Variants in APC observed in about 807,000 individuals in gnomAD.
APC encodes the protein adenomatous polyposis coli protein.
A neutral mutation model predicts 247.0 loss-of-function variants in APC; 72 were observed. The observed-to-expected ratio is 0.29, with a 90% confidence interval of 0.24 to 0.35. The LOEUF is 0.35. Ranked by LOEUF, APC falls within the 10% of genes least tolerant of loss-of-function variation. The pLI, the probability that APC is intolerant of heterozygous loss-of-function variation, is 1.00. For synonymous variants in APC, 1,254 were observed against 1,162.5 expected (o/e 1.08, Z -1.60); for missense variants, 3,400 against 3,360.7 (o/e 1.01, Z -0.29).
In APC at chr5:112,710,392, A is replaced by G. The variant is rs140617534; in HGVS notation, c.165+2510A>G. On this transcript the variant is annotated intron_variant, in intron 1 of 13. Transcript: ENST00000507379. Reference sequence around the variant, plus strand: ...ACTTCACTTTTTTCATCTCAGTGTCATCTCTTTATATATATATATCTCAGA... The same window carrying G: ...ACTTCACTTTTTTCATCTCAGTGTCGTCTCTTTATATATATATATCTCAGA... Among the ~76,000 whole-genome samples, 668 of 152,242 alleles carry G rather than the reference A, an allele frequency of 4.4e-3. 3 individuals carry two copies. Among genetic ancestry groups the G allele is most frequent in the Middle Eastern group, 0.01 (3 of 294 alleles).
At chr5:112,770,249 C>T (rs1408052757) in intron 4 of APC, among the ~76,000 whole-genome samples, 1 of 152,100 alleles carries the variant, frequency 6.6e-6, no homozygotes, top group African/African-American at 2.4e-5. Context: ...TGCTAGTCTT[C>T]CAGAGTTCTT....
intron 6 of APC, among the ~76,000 whole-genome samples, chr5:112,785,735 G>T (rs956413991): frequency 4.6e-5 from 7 of 152,098 alleles, no homozygotes; most frequent in African/African-American, 1.7e-4. Context: ...TGGAGAAATT[G>T]ATAAATTACT....
chr5:112,728,185 T>G (rs901930891), intron 1 of APC, among the ~76,000 whole-genome samples: 1 of 152,112 alleles, frequency 6.6e-6, no homozygotes, highest in Non-Finnish European at 1.5e-5. Context: ...TGGAGTGCAG[T>G]GTTGTGATCT....
intron 5 of APC, 113 bp downstream of exon 5, chr5:112,775,850 G>A (rs1343181115): frequency 3.2e-6 from 2 of 627,940 alleles, no homozygotes; most frequent in Non-Finnish European, 2.8e-6. Context: ...TTTGTAAATT[G>A]CAATATGTTT....
At chr5:112,781,385 G>A in intron 6 of APC, among the ~76,000 whole-genome samples, 1 of 152,190 alleles carries the variant, frequency 6.6e-6, no homozygotes, top group East Asian at 1.9e-4. Flanking sequence ...TGTCAAGAAA[G>A]AGTATTAGCT....
At chr5:112,781,540 T>C (rs1758347983) in intron 6 of APC, among the ~76,000 whole-genome samples, 1 of 152,244 alleles carries the variant, frequency 6.6e-6, no homozygotes, top group South Asian at 2.1e-4. Flanking sequence ...GTTGTTGTTT[T>C]CTTTTTTAAC....
chr5:112,743,877 TG>T (rs1561427813), intron 1 of APC, among the ~76,000 whole-genome samples: 1 of 152,152 alleles, frequency 6.6e-6, no homozygotes, highest in Non-Finnish European at 1.5e-5. Flanking sequence ...CATTTTTTGG[TG>T]TTTTTTTGTT....
intron 11 of APC, among the ~76,000 whole-genome samples, chr5:112,824,461 T>G (rs1763446062): frequency 6.6e-6 from 1 of 152,208 alleles, no homozygotes; most frequent in Non-Finnish European, 1.5e-5. Context: ...AATGTTCTTT[T>G]TTTATTAGCC....
At chr5:112,780,164 C>G (rs1421291375) in intron 5 of APC, among the ~76,000 whole-genome samples, 1 of 151,988 alleles carries the variant, frequency 6.6e-6, no homozygotes, top group East Asian at 1.9e-4. Context: ...GAGTTATTAC[C>G]CATTCTGAAG....
chr5:112,729,519 TAAGA>T (rs1751982967), intron 1 of APC, among the ~76,000 whole-genome samples: 2 of 152,164 alleles, frequency 1.3e-5, no homozygotes, highest in African/African-American at 4.8e-5. Context: ...TTCTAAGGCA[TAAGA>T]AAGAGGTAGG....
intron 1 of APC, among the ~76,000 whole-genome samples, chr5:112,722,030 G>A (rs1751509591): frequency 6.6e-6 from 1 of 152,136 alleles, no homozygotes; most frequent in Non-Finnish European, 1.5e-5. Context: ...CTGGCCTAAA[G>A]TACATAGGAT....
intron 8 of APC, among the ~76,000 whole-genome samples, chr5:112,808,544 C>T (rs1316964609): frequency 6.6e-6 from 1 of 152,068 alleles, no homozygotes; most frequent in Non-Finnish European, 1.5e-5. Flanking sequence ...AACTCCTGGG[C>T]TTAAGCGATC....
At chr5:112,830,728 A>G (rs1377985149) in intron 14 of APC, among the ~76,000 whole-genome samples, 2 of 152,222 alleles carry the variant, frequency 1.3e-5, no homozygotes, top group Non-Finnish European at 2.9e-5. Context: ...GACTATTGAT[A>G]CATGCAGTAA....
intron 14 of APC, 116 bp from the exon 15 acceptor site, chr5:112,834,835 G>A (rs922082487): frequency 6.6e-5 from 59 of 895,072 alleles, no homozygotes; most frequent in Admixed American, 2.1e-4. Flanking sequence ...TTACCAGTGA[G>A]GGACGGGCAA....
intron 1 of APC, among the ~76,000 whole-genome samples, chr5:112,720,485 A>T (rs1233077187): frequency 6.6e-6 from 1 of 152,216 alleles, no homozygotes; most frequent in African/African-American, 2.4e-5. Context: ...AAATATCATT[A>T]AGTCTCTCAT....
intron 1 of APC, among the ~76,000 whole-genome samples, chr5:112,748,633 G>A (rs1168552687): frequency 2.0e-5 from 3 of 151,948 alleles, no homozygotes; most frequent in East Asian, 1.9e-4. Flanking sequence ...AGGTGGAGGC[G>A]GGCGGATCAC....
chr5:112,748,441 T>A (rs1403730047), intron 1 of APC, among the ~76,000 whole-genome samples: 1 of 152,208 alleles, frequency 6.6e-6, no homozygotes, highest in Non-Finnish European at 1.5e-5. Flanking sequence ...TTCTTTCCAA[T>A]GATAACACTT....
chr5:112,763,609 G>A (rs748681683), intron 2 of APC, among the ~76,000 whole-genome samples: 77 of 152,132 alleles, frequency 5.1e-4, no homozygotes, highest in Middle Eastern at 3.4e-3. Flanking sequence ...AATGATGTAC[G>A]AAGGATTTTT....
At chr5:112,708,753 C>T (rs1168928988) in intron 1 of APC, among the ~76,000 whole-genome samples, 1 of 152,180 alleles carries the variant, frequency 6.6e-6, no homozygotes, top group Non-Finnish European at 1.5e-5. Flanking sequence ...TTCAAAACTT[C>T]TTAAATTGCT....
Sources: allele counts gnomAD v4.1 joint callset (sites outside exome capture counted in the v4.1 genomes callset), GRCh38; gene constraint gnomAD v4.1.1; transcripts MANE v1.5; gene names NCBI Gene and HGNC (gene_info 2026-07-23, HGNC 2026-07-21).